LYZL4: variants seen among roughly 807,000 people sequenced by gnomAD.
The protein encoded by LYZL4 is lysozyme like 4, also known as lysozyme-like protein 4.
LYZL4 carries 13 observed loss-of-function variants against 17.6 expected under a neutral mutation model. That is an observed-to-expected ratio of 0.74 (90% confidence interval 0.48 to 1.18). The LOEUF (loss-of-function observed/expected upper bound fraction) is 1.18. LYZL4 is among the 50% of genes most tolerant of loss of function. The probability of loss-of-function intolerance (pLI) is 0.00; values close to 1 mark genes in which losing one functional copy is unlikely to be tolerated. For missense variants in LYZL4, 174 were observed against 188.2 expected (o/e 0.92, Z 0.44); for synonymous variants, 64 against 67.7 (o/e 0.95, Z 0.27).
the LYZL4 span, among the ~76,000 whole-genome samples, chr3:42,389,444 A>T: frequency 6.6e-6 from 1 of 152,044 alleles, no homozygotes; most frequent in African/African-American, 2.4e-5. Flanking sequence ...GCAATGGTAA[A>T]CCCTACAGGT....
At chr3:42,373,134 C>T in the LYZL4 span, among the ~76,000 whole-genome samples, 1 of 152,116 alleles carries the variant, frequency 6.6e-6, no homozygotes, top group African/African-American at 2.4e-5. Flanking sequence ...TTGCTTGAAC[C>T]CTGGAGGCAG....
the LYZL4 span, among the ~76,000 whole-genome samples, chr3:42,386,403 C>T: frequency 1.1e-4 from 14 of 129,510 alleles, 2 homozygotes; most frequent in South Asian, 6.5e-4. Context: ...ACGCCCCCCC[C>T]CCCCCCCCCG....
the LYZL4 span, among the ~76,000 whole-genome samples, chr3:42,378,777 G>A: frequency 6.6e-6 from 1 of 151,966 alleles, no homozygotes; most frequent in African/African-American, 2.4e-5. Context: ...ACTGTTCACT[G>A]TGCTGGTGAC....
At chr3:42,370,664 C>T in the LYZL4 span, among the ~76,000 whole-genome samples, 1 of 151,884 alleles carries the variant, frequency 6.6e-6, no homozygotes, top group Non-Finnish European at 1.5e-5. Flanking sequence ...CTCACTACCA[C>T]TATTTCCTTC....
chr3:42,406,969 A>G lies in LYZL4; in HGVS notation c.169T>C (p.Phe57Leu). The G allele has an allele frequency of 6.2e-7, 1 of 1,614,210 alleles. No individual in the cohort carries two copies. Reference sequence around the variant, plus strand: ...TTCTCGTAGATGGCCATGGGGTTGAACTTGCTCTCGAAGTAGGCCAGGCAC... The same window carrying G: ...TTCTCGTAGATGGCCATGGGGTTGAGCTTGCTCTCGAAGTAGGCCAGGCAC... ...WVCLAYFESKFNPMAIYENTR... is the reference protein window; with the variant it reads ...WVCLAYFESKLNPMAIYENTR... The change falls in exon 3 of 5, where the codon TTC (phenylalanine) becomes CTC (leucine). Residue 57 changes from phenylalanine to leucine, a missense_variant. Phe to Leu is a conservative substitution (Grantham distance 22). Coordinates refer to ENST00000287748, the MANE Select transcript of LYZL4 (RefSeq NM_144634.4).
chr3:42,373,883 A>C, the LYZL4 span, among the ~76,000 whole-genome samples: 1 of 152,116 alleles, frequency 6.6e-6, no homozygotes, highest in Non-Finnish European at 1.5e-5. Context: ...CAGAAATAAA[A>C]ATACATGTAT....
chr3:42,376,977 TAA>T, the LYZL4 span, among the ~76,000 whole-genome samples: 22 of 152,338 alleles, frequency 1.4e-4, no homozygotes, highest in Non-Finnish European at 2.5e-4. Flanking sequence ...AAGGATTTAT[TAA>T]AAATTGTCCT....
At chr3:42,371,884 A>G in the LYZL4 span, among the ~76,000 whole-genome samples, 7 of 152,198 alleles carry the variant, frequency 4.6e-5, no homozygotes, top group Non-Finnish European at 1.0e-4. Context: ...GAGAGCCTCC[A>G]AGCTGGGTTT....
At chr3:42,379,752 C>T in the LYZL4 span, among the ~76,000 whole-genome samples, 2 of 152,298 alleles carry the variant, frequency 1.3e-5, no homozygotes, top group Admixed American at 6.5e-5. Context: ...CACTCCGATC[C>T]TCTTATGGAC....
At chr3:42,375,524 G>C in the LYZL4 span, among the ~76,000 whole-genome samples, 1 of 152,112 alleles carries the variant, frequency 6.6e-6, no homozygotes, top group Non-Finnish European at 1.5e-5. Flanking sequence ...CTACATAATA[G>C]GATTTTATGA....
intron 4 of LYZL4, among the ~76,000 whole-genome samples, chr3:42,403,602 T>C (rs563223717): frequency 1.3e-5 from 2 of 152,170 alleles, no homozygotes; most frequent in Admixed American, 1.3e-4. Context: ...ATCGCAAAAA[T>C]GTTGTGATTG....
chr3:42,378,953 AT>A, the LYZL4 span, among the ~76,000 whole-genome samples: 2 of 152,140 alleles, frequency 1.3e-5, no homozygotes, highest in African/African-American at 4.8e-5. Context: ...GCAAAGCAGG[AT>A]TTGAGTCCAG....
chr3:42,407,257 C>G lies in LYZL4; in HGVS notation c.-6G>C. 6.2e-7 allele frequency: 1 copy of G among 1,614,082 alleles called. No individual in the cohort carries two copies. On this transcript the variant is annotated 5_prime_UTR_variant, in exon 2 of 5. Coordinates refer to ENST00000287748, the MANE Select transcript of LYZL4 (RefSeq NM_144634.4). The stretch of plus-strand genomic sequence containing the variant: ...AGAACCACGGATGCCTTCATCTTCT[C>G]CAGGCTCCTGGCAGGTCAGGGCAAC...
the LYZL4 span, among the ~76,000 whole-genome samples, chr3:42,378,135 G>A: frequency 2.9e-4 from 44 of 152,294 alleles, no homozygotes; most frequent in South Asian, 8.9e-3. Flanking sequence ...AGCCACTTTG[G>A]TGGTGGCAAA....
At chr3:42,406,778 G>A in intron 3 of LYZL4, 68 bp downstream of exon 3, 1 of 1,582,080 alleles carries the variant, frequency 6.3e-7, no homozygotes, top group Non-Finnish European at 8.6e-7. Flanking sequence ...TGGCCATTTG[G>A]AAGGCAGGCC....
chr3:42,374,627 T>C, the LYZL4 span, among the ~76,000 whole-genome samples: 1 of 152,086 alleles, frequency 6.6e-6, no homozygotes, highest in Admixed American at 6.5e-5. Context: ...AATTACAGAA[T>C]CAACAACACT....
chr3:42,407,489 C>T lies in LYZL4; in HGVS notation c.-92-146G>A. ...ACCTGAAACTCTGCCCCTTCTCCTC[C>T]TCTTGACCTCCTATTTTCTAAGGAA... On this transcript the variant is annotated intron_variant, in intron 1 of 4. Coordinates refer to ENST00000287748, the MANE Select transcript of LYZL4 (RefSeq NM_144634.4). The T allele has an allele frequency of 5.4e-6, 3 of 553,114 alleles. No homozygotes were observed. In the East Asian group the frequency reaches 9.4e-5, roughly 17 times the overall value. 34.3% of individuals were successfully genotyped at this position (553,114 alleles called of 1,614,324 possible). A position where few individuals can be genotyped will look rare whatever the true frequency, so the allele number is the denominator to read the frequency against.
At chr3:42,400,984 A>T (rs1698641990) in intron 4 of LYZL4, among the ~76,000 whole-genome samples, 1 of 152,136 alleles carries the variant, frequency 6.6e-6, no homozygotes, top group Non-Finnish European at 1.5e-5. Context: ...AGGCCAAGAG[A>T]TGTGCACACC....
At chr3:42,398,374 A>C (rs1698592609) in intron 4 of LYZL4, among the ~76,000 whole-genome samples, 2 of 152,158 alleles carry the variant, frequency 1.3e-5, no homozygotes, top group East Asian at 3.9e-4. Flanking sequence ...AGTGCCATAC[A>C]CTAAATATGG....
Sources: gnomAD v4.1 joint callset for allele counts (sites outside exome capture counted in the v4.1 genomes callset) on GRCh38, gnomAD v4.1.1 for gene constraint, MANE v1.5 for transcripts, NCBI Gene and HGNC (gene_info 2026-07-23, HGNC 2026-07-21) for gene names.